Variants in MAD1L1 observed in about 807,000 individuals in gnomAD.
MAD1L1 encodes mitotic arrest deficient 1 like 1.
Under a neutral mutation model 96.9 loss-of-function variants are expected in MAD1L1, and 95 were observed. That is an observed-to-expected ratio of 0.98 (90% confidence interval 0.83 to 1.16). The LOEUF (loss-of-function observed/expected upper bound fraction) is 1.16, where lower values mean the gene tolerates loss of function less well. Ranked by LOEUF, MAD1L1 falls within the 50% of genes most tolerant of loss-of-function variation. MAD1L1 has a pLI of 0.00. For missense variants in MAD1L1, 1,007 were observed against 954.4 expected, an observed-to-expected ratio of 1.06 and a Z score of -0.73; for synonymous variants, 473 against 396.6, an observed-to-expected ratio of 1.19 and a Z score of -2.29.
intron 12 of MAD1L1, among the ~76,000 whole-genome samples, chr7:2,061,751 A>T (rs1562649704): frequency 6.6e-6 from 1 of 152,274 alleles, no homozygotes; most frequent in Non-Finnish European, 1.5e-5. Flanking sequence ...CATGCTGGAA[A>T]CCATCCGATG....
rs537867090 is a variant in MAD1L1 at position 2,054,271 on chromosome 7, C to T, written c.1218+14923G>A. Among the ~76,000 whole-genome samples, 4 of 152,370 alleles carry T rather than the reference C, an allele frequency of 2.6e-5. No individual in the cohort carries two copies. In the South Asian group the frequency reaches 6.2e-4, roughly 24 times the overall value. On this transcript the variant is annotated intron_variant, in intron 12 of 18. Coordinates refer to ENST00000265854, the MANE Select transcript of MAD1L1 (RefSeq NM_001013836.2). ...GTGACCTGAATCCAGTGTAACGCAG[C>T]CTCCAAACTCCACGCACCTGAGGCA...
chr7:2,116,667 A>G (rs1787720128), intron 11 of MAD1L1, among the ~76,000 whole-genome samples: 2 of 151,702 alleles, frequency 1.3e-5, no homozygotes, highest in Non-Finnish European at 1.5e-5. Context: ...CAGGGGGCCC[A>G]GGTCCATCGG....
intron 10 of MAD1L1, among the ~76,000 whole-genome samples, chr7:2,181,694 G>A (rs1440685235): frequency 6.6e-6 from 1 of 152,168 alleles, no homozygotes; most frequent in African/African-American, 2.4e-5. Flanking sequence ...AGGAAAAGAA[G>A]TCATTCTACG....
At chr7:2,077,846 C>T (rs1452121895) in intron 11 of MAD1L1, among the ~76,000 whole-genome samples, 1 of 152,194 alleles carries the variant, frequency 6.6e-6, no homozygotes, top group Non-Finnish European at 1.5e-5. Flanking sequence ...ACGTGCTCGT[C>T]CTCCAGTCAC....
At chr7:2,016,354 C>A (rs1782539047) in intron 12 of MAD1L1, among the ~76,000 whole-genome samples, 1 of 152,204 alleles carries the variant, frequency 6.6e-6, no homozygotes, top group Non-Finnish European at 1.5e-5. Context: ...GCTGAAAGGG[C>A]AAATTCATGG....
chr7:1,966,866 C>T (rs1410498398), intron 15 of MAD1L1, among the ~76,000 whole-genome samples: 2 of 152,226 alleles, frequency 1.3e-5, no homozygotes, highest in Admixed American at 6.5e-5. Flanking sequence ...CCTTCAGGAA[C>T]ACGAGAGGAA....
At chr7:1,995,015 T>C (rs1781496067) in intron 14 of MAD1L1, among the ~76,000 whole-genome samples, 1 of 152,202 alleles carries the variant, frequency 6.6e-6, no homozygotes, top group African/African-American at 2.4e-5. Context: ...GTCTGCGGTG[T>C]TCCTGTTAGG....
chr7:1,869,561 G>A (rs1216865029), intron 18 of MAD1L1, among the ~76,000 whole-genome samples: 1 of 152,074 alleles, frequency 6.6e-6, no homozygotes, highest in Non-Finnish European at 1.5e-5. Context: ...AGTATCACAG[G>A]GACCCGGGAA....
chr7:2,229,990 G>A lies in MAD1L1; in HGVS notation c.144C>T (p.Ser48=). 4 of 1,612,638 alleles carry A rather than the reference G, an allele frequency of 2.5e-6. No individual in the cohort carries two copies. Among genetic ancestry groups the A allele is most frequent in the Non-Finnish European group, 1.7e-6 (2 of 1,179,982 alleles). The change falls in exon 3 of 19, where the codon AGC becomes AGT. Residue 48 remains serine, a synonymous_variant. Coordinates refer to ENST00000265854, the MANE Select transcript of MAD1L1 (RefSeq NM_001013836.2). ...CCAGGCACATGCCACTCACCTGCAT[G>A]CTCTGCTGGTACTGCATCTGCAGAG... is the stretch of plus-strand genomic sequence containing the variant. ...PGSLQMQYQQ[S]MQLEERAEQI... is the part of the protein sequence containing the mutation.
chr7:1,893,733 C>A lies in MAD1L1; in HGVS notation c.1998+4467G>T, dbSNP rs534132261. 1.3e-3 allele frequency among the ~76,000 whole-genome samples: 205 copies of A among 152,336 alleles called. 2 individuals are homozygous for A. Among genetic ancestry groups the A allele is most frequent in the African/African-American group, 4.8e-3 (201 of 41,582 alleles). ...CCCCAGGGAGCACCCAGACCACATTCCTCATGACAGATGGGGAAACTGAGT... is the reference window on the plus strand; with the variant it reads ...CCCCAGGGAGCACCCAGACCACATTACTCATGACAGATGGGGAAACTGAGT... On this transcript the variant is annotated intron_variant, in intron 18 of 18. Coordinates refer to ENST00000265854, the MANE Select transcript of MAD1L1 (RefSeq NM_001013836.2).
intron 18 of MAD1L1, chr7:1,844,243 T>C (rs1468829966): frequency 6.5e-6 from 1 of 154,374 alleles, no homozygotes; most frequent in Non-Finnish European, 1.5e-5. Context: ...CCATCCCCGG[T>C]GTGCCCTTGG....
At chr7:1,989,670 CCAGCGTGGACCAGCCT>C (rs1198852394) in intron 14 of MAD1L1, among the ~76,000 whole-genome samples, 16 of 151,732 alleles carry the variant, frequency 1.1e-4, no homozygotes, top group East Asian at 5.9e-4. Context: ...TGGACCAGCC[CCAGCGTGGACCAGCCT>C]CAGCGTGGAC....
chr7:2,030,762 A>G (rs28537163), intron 12 of MAD1L1, among the ~76,000 whole-genome samples: 6,560 of 152,330 alleles, frequency 0.043, 223 homozygotes, highest in African/African-American at 0.089. Flanking sequence ...ACTGTGGGTC[A>G]GCGAGGGTTT....
intron 18 of MAD1L1, among the ~76,000 whole-genome samples, chr7:1,831,774 CT>C (rs1473347868): frequency 6.6e-6 from 1 of 152,242 alleles, no homozygotes; most frequent in Non-Finnish European, 1.5e-5. Context: ...TGTCTGTGCT[CT>C]ATCAGTGGAA....
rs993304932 is a variant in MAD1L1 at position 1,859,859 on chromosome 7, C to T, written c.1998+38341G>A. On this transcript the variant is annotated intron_variant, in intron 18 of 18. Transcript: ENST00000265854. ...TAGACATGATACCCGGCGGGGCGGC[C>T]TCTGTCTCCCTAGATGTGACATCCG... is the stretch of plus-strand genomic sequence containing the variant. 2.7e-5 allele frequency among the ~76,000 whole-genome samples: 4 copies of T among 150,722 alleles called. No homozygotes were observed. The East Asian group carries it at 7.9e-4, about 30-fold the overall frequency.
At chr7:2,073,179 A>C (rs1373515449) in intron 11 of MAD1L1, among the ~76,000 whole-genome samples, 1 of 152,196 alleles carries the variant, frequency 6.6e-6, no homozygotes, top group African/African-American at 2.4e-5. Flanking sequence ...GGCTCAGCAG[A>C]ACTAGCATAT....
chr7:2,002,219 C>T, intron 13 of MAD1L1, 98 bp from the exon 14 acceptor site: 1 of 1,225,976 alleles, frequency 8.2e-7, no homozygotes, highest in Non-Finnish European at 1.2e-6. Flanking sequence ...GCAGCCTCCA[C>T]TCTCTGGGGA....
chr7:2,136,336 C>A (rs1411131164), intron 11 of MAD1L1, among the ~76,000 whole-genome samples: 1 of 152,204 alleles, frequency 6.6e-6, no homozygotes, highest in Non-Finnish European at 1.5e-5. Flanking sequence ...AGACTCCAGG[C>A]TGAGTGGCTC....
At chr7:1,981,768 GC>G (rs1195960458) in intron 14 of MAD1L1, among the ~76,000 whole-genome samples, 7 of 152,198 alleles carry the variant, frequency 4.6e-5, no homozygotes, top group African/African-American at 1.7e-4. Flanking sequence ...TGGGCTGGGG[GC>G]CAGCAGGAGC....
Sources: gnomAD v4.1 joint callset for allele counts (sites outside exome capture counted in the v4.1 genomes callset) on GRCh38, gnomAD v4.1.1 for gene constraint, MANE v1.5 for transcripts, NCBI Gene and HGNC (gene_info 2026-07-23, HGNC 2026-07-21) for gene names.